EPB41L1: variants seen among roughly 807,000 people sequenced by gnomAD.
The protein encoded by EPB41L1 is band 4.1-like protein 1.
Under a neutral mutation model 97.8 loss-of-function variants are expected in EPB41L1, and 29 were observed. The ratio of observed to expected loss-of-function variants is 0.30; its 90% CI spans 0.22 to 0.40. The LOEUF (loss-of-function observed/expected upper bound fraction) is 0.40. Ranked by LOEUF, EPB41L1 falls within the 10% of genes least tolerant of loss-of-function variation. The pLI is 1.00. For missense variants in EPB41L1, 812 were observed against 1,162.3 expected (o/e 0.70, Z 4.38); for synonymous variants, 383 against 459.2 (o/e 0.83, Z 2.12).
In EPB41L1 at chr20:36,092,306, G is replaced by C. The variant is rs992501213; in HGVS notation, c.-65+694G>C. 6.6e-6 allele frequency among the ~76,000 whole-genome samples: 1 copy of C among 152,176 alleles called. No individual in the cohort carries two copies. The highest frequency in any genetic ancestry group is 1.5e-5 in the Non-Finnish European group (1 of 68,018). ...GGCGCTGGCGGGAACCCGGGAGGACGTGGGGGCCCCGGGTGGGGTCTGCTC... is the reference window on the plus strand; with the variant it reads ...GGCGCTGGCGGGAACCCGGGAGGACCTGGGGGCCCCGGGTGGGGTCTGCTC... On this transcript the variant is annotated intron_variant, in intron 1 of 19. Transcript: ENST00000202028. The surrounding 1 kb of genome is among the most constrained non-coding windows in gnomAD (Gnocchi z 7.0).
chr20:36,219,066 C>A (rs2063616782), intron 18 of EPB41L1, 104 bp downstream of exon 18: 3 of 1,230,778 alleles, frequency 2.4e-6, no homozygotes, highest in Non-Finnish European at 3.5e-6. Context: ...CCAGAAGGCA[C>A]CCTTCTAGGT....
At chr20:36,148,264 G>T (rs995158317) in intron 2 of EPB41L1, among the ~76,000 whole-genome samples, 4 of 152,194 alleles carry the variant, frequency 2.6e-5, no homozygotes, top group African/African-American at 9.6e-5. Flanking sequence ...CCTTGGACAG[G>T]TCACATGACC....
Position 36,093,821 on chromosome 20 carries a change from G to T in EPB41L1, c.-65+2209G>T, listed in dbSNP as rs2057743470. Among the ~76,000 whole-genome samples, 1 of 151,998 alleles carries T rather than the reference G, an allele frequency of 6.6e-6. No individual in the cohort carries two copies. Among genetic ancestry groups the T allele is most frequent in the South Asian group, 2.1e-4 (1 of 4,822 alleles). Reference sequence around the variant, plus strand: ...GTTCAGGGATTCATTTCCTGTTGTGGCCAGGGGACATGTCCCCTCCGGCCT... The same window carrying T: ...GTTCAGGGATTCATTTCCTGTTGTGTCCAGGGGACATGTCCCCTCCGGCCT... On this transcript the variant is annotated intron_variant, in intron 1 of 19. Transcript: ENST00000202028. This position sits in a 1 kb window ranked among gnomAD's most constrained non-coding sequence, Gnocchi z 5.4.
At chr20:36,225,210 C>T (rs1425994977) in intron 21 of EPB41L1, among the ~76,000 whole-genome samples, 1 of 152,204 alleles carries the variant, frequency 6.6e-6, no homozygotes, top group African/African-American at 2.4e-5. Flanking sequence ...TGGCCATGGG[C>T]GGAGCCTACC....
At chr20:36,180,176 C>T (rs968011091) in intron 5 of EPB41L1, among the ~76,000 whole-genome samples, 1 of 152,220 alleles carries the variant, frequency 6.6e-6, no homozygotes, top group African/African-American at 2.4e-5. Flanking sequence ...TCCAGGAGAG[C>T]CACAGTCTCT....
intron 1 of EPB41L1, among the ~76,000 whole-genome samples, chr20:36,099,202 G>T (rs2057930702): frequency 6.6e-6 from 1 of 151,836 alleles, no homozygotes; most frequent in Non-Finnish European, 1.5e-5. Context: ...AAAGAAATGG[G>T]ACAGTAGCAC....
intron 21 of EPB41L1, 27 bp downstream of exon 21, chr20:36,222,421 T>TGA (rs755685798): frequency 1.3e-6 from 2 of 1,571,914 alleles, no homozygotes; most frequent in South Asian, 1.1e-5. Context: ...CCAGCAACCA[T>TGA]GAGAGAGAGG....
In EPB41L1 at chr20:36,206,813, C is replaced by T; in HGVS notation, c.1669-2675C>T. On this transcript the variant is annotated intron_variant, in intron 14 of 21. Transcript: ENST00000338074. The surrounding 1 kb of genome is among the most constrained non-coding windows in gnomAD (Gnocchi z 5.5). ...GCCAGCGCAGCCCGAGAGGAAGGGA[C>T]CCCCGTGAGTGGAGATTTGCTGGGA... 1.6e-6 allele frequency: 2 copies of T among 1,289,820 alleles called. No individual in the cohort carries two copies. Among genetic ancestry groups the T allele is most frequent in the Non-Finnish European group, 2.0e-6 (2 of 988,868 alleles). The allele number at this position is 1,289,820 out of a possible 1,614,324, so 79.9% of individuals were successfully genotyped here.
At chr20:36,219,972 G>A in intron 19 of EPB41L1, 128 bp downstream of exon 19, 1 of 856,486 alleles carries the variant, frequency 1.2e-6, no homozygotes, top group Non-Finnish European at 1.9e-6. Flanking sequence ...ACCAGCTTCT[G>A]GAATACTGTG....
At position 36,093,487 on chromosome 20, in the gene EPB41L1, G is replaced by T. The variant is rs1325775601; in HGVS notation, c.-65+1875G>T. Among the ~76,000 whole-genome samples, 1 of 151,926 alleles carries T rather than the reference G, an allele frequency of 6.6e-6. No homozygotes were observed. The highest frequency in any genetic ancestry group is 1.9e-4 in the East Asian group (1 of 5,138). On this transcript the variant is annotated intron_variant, in intron 1 of 19. Coordinates refer to the EPB41L1 transcript ENST00000202028. This position sits in a 1 kb window ranked among gnomAD's most constrained non-coding sequence, Gnocchi z 5.4. ...GGGCGGCGGTCCAGGCGCCGCCGCC[G>T]CTGGGAGCTGGGCACCTGGCCTGGG...
intron 21 of EPB41L1, among the ~76,000 whole-genome samples, chr20:36,225,600 G>T (rs144769585): frequency 2.0e-5 from 3 of 152,168 alleles, no homozygotes; most frequent in African/African-American, 7.2e-5. Flanking sequence ...GTTTCTTCCC[G>T]CTTGAGGACT....
intron 1 of EPB41L1, among the ~76,000 whole-genome samples, chr20:36,101,889 C>A (rs932104187): frequency 3.9e-5 from 6 of 152,034 alleles, no homozygotes; most frequent in African/African-American, 1.4e-4. Flanking sequence ...CCTGTAATCC[C>A]AGCTACTAGG....
At chr20:36,097,930 G>T (rs1286763071) in intron 1 of EPB41L1, among the ~76,000 whole-genome samples, 1 of 152,162 alleles carries the variant, frequency 6.6e-6, no homozygotes. Flanking sequence ...TGGGGAAGAG[G>T]AGTAAGCCAA....
chr20:36,124,498 A>G (rs780355635), intron 2 of EPB41L1, among the ~76,000 whole-genome samples: 1 of 152,030 alleles, frequency 6.6e-6, no homozygotes, highest in African/African-American at 2.4e-5. Flanking sequence ...TCATTTAGCA[A>G]ATTTATTCCA....
rs527506501 is a variant in EPB41L1 at position 36,142,058 on chromosome 20, G to A, written c.-10+29578G>A. Among the ~76,000 whole-genome samples, 60 of 148,448 alleles carry A rather than the reference G, an allele frequency of 4.0e-4. 1 individual carries two copies. Among genetic ancestry groups the A allele is most frequent in the Non-Finnish European group, 7.1e-4 (48 of 67,546 alleles). ...CAGGAGGCGGAGGTTGCAGTGAGCC[G>A]AGATCATGCCACTGCACTTCAGCCT... On this transcript the variant is annotated intron_variant, in intron 2 of 19. Coordinates refer to the EPB41L1 transcript ENST00000202028.
intron 2 of EPB41L1, among the ~76,000 whole-genome samples, chr20:36,135,148 C>T (rs1243572483): frequency 2.0e-5 from 3 of 152,288 alleles, no homozygotes; most frequent in South Asian, 2.1e-4. Context: ...CAGGCGTGAG[C>T]CACTGCACCC....
chr20:36,111,132 C>T (rs932638307), intron 1 of EPB41L1, among the ~76,000 whole-genome samples: 1 of 152,190 alleles, frequency 6.6e-6, no homozygotes, highest in Admixed American at 6.5e-5. Context: ...GGAGCAGACA[C>T]TTTTACTCCT....
chr20:36,169,691 CT>C lies in EPB41L1; in HGVS notation c.-14-4072del, dbSNP rs1334642378. On this transcript the variant is annotated intron_variant, in intron 1 of 21. Coordinates refer to ENST00000338074, the MANE Select transcript of EPB41L1 (RefSeq NM_012156.2). Reference sequence around the variant, plus strand: ...CACATGGTGACTCAGCTCAAATGCTCTCCCTGCATCTCCTGTCTAAATGGCT... The same window carrying C: ...CACATGGTGACTCAGCTCAAATGCTCCCCTGCATCTCCTGTCTAAATGGCT... 3.3e-5 allele frequency among the ~76,000 whole-genome samples: 5 copies of C among 152,352 alleles called. No homozygotes were observed. The East Asian group carries it at 9.6e-4, about 29-fold the overall frequency.
At chr20:36,126,805 G>A (rs2058988631) in intron 2 of EPB41L1, among the ~76,000 whole-genome samples, 1 of 152,244 alleles carries the variant, frequency 6.6e-6, no homozygotes, top group Admixed American at 6.5e-5. Context: ...TCACATTCCA[G>A]AGAAACTTAG....
Sources: gnomAD v4.1 joint callset for allele counts (sites outside exome capture counted in the v4.1 genomes callset) on GRCh38, gnomAD v4.1.1 for gene constraint, Gnocchi (gnomAD v3.1) non-coding constraint, MANE v1.5 for transcripts, NCBI Gene and HGNC (gene_info 2026-07-23, HGNC 2026-07-21) for gene names.